SIPA1L2: variants seen among roughly 807,000 people sequenced by gnomAD.
SIPA1L2 encodes signal induced proliferation associated 1 like 2.
SIPA1L2 carries 56 observed loss-of-function variants against 163.9 expected under a neutral mutation model. The ratio of observed to expected loss-of-function variants is 0.34; its 90% CI spans 0.28 to 0.43. The LOEUF is 0.43. Among genes scored for constraint, SIPA1L2 ranks in the 20% least tolerant of loss-of-function variants. The pLI, the probability that SIPA1L2 is intolerant of heterozygous loss-of-function variation, is 1.00. For missense variants in SIPA1L2, 1,974 were observed against 2,193.5 expected (o/e 0.90, Z 2.00); for synonymous variants, 877 against 865.7 (o/e 1.01, Z -0.23).
At chr1:232,539,407 T>C (rs976665062) in intron 2 of SIPA1L2, among the ~76,000 whole-genome samples, 4 of 152,214 alleles carry the variant, frequency 2.6e-5, no homozygotes, top group Non-Finnish European at 5.9e-5. Context: ...AGAAATTAAG[T>C]AGTTTCCTAA....
Position 232,425,625 on chromosome 1 carries a change from G to T in SIPA1L2, c.4594C>A (p.Arg1532=), listed in dbSNP as rs369364776. 124 of 1,609,022 alleles carry T rather than the reference G, an allele frequency of 7.7e-5. No homozygotes were observed. The African/African-American group carries it at 1.4e-3, about 18-fold the overall frequency. The part of the protein sequence containing the change: ...TPPYHSTLPP[R]AHPAPSMGSL... ...CCCATGCTGGGTGCGGGGTGGGCCCGCGGAGGCAGCGTGCTGTGGTAGGGT... is the reference window on the plus strand; with the variant it reads ...CCCATGCTGGGTGCGGGGTGGGCCCTCGGAGGCAGCGTGCTGTGGTAGGGT... The change falls in exon 18 of 23, where the codon CGG becomes AGG. Residue 1532 remains arginine (R), a synonymous_variant. Transcript: ENST00000674635.
At chr1:232,430,712 C>T (rs964813089) in intron 16 of SIPA1L2, among the ~76,000 whole-genome samples, 2 of 152,164 alleles carry the variant, frequency 1.3e-5, no homozygotes, top group Non-Finnish European at 2.9e-5. Flanking sequence ...GCCCTGGTCT[C>T]GAATCCCAGC....
chr1:232,523,933 G>A (rs1452653724), intron 2 of SIPA1L2, among the ~76,000 whole-genome samples: 2 of 152,140 alleles, frequency 1.3e-5, no homozygotes, highest in African/African-American at 2.4e-5. Flanking sequence ...AGAAAATCCT[G>A]CCAATCCATA....
chr1:232,442,146 G>A (rs1466748536), intron 12 of SIPA1L2, among the ~76,000 whole-genome samples: 1 of 152,060 alleles, frequency 6.6e-6, no homozygotes, highest in Non-Finnish European at 1.5e-5. Flanking sequence ...GAGGTTGAAG[G>A]ACTGTCCAGG....
chr1:232,571,603 A>C (rs1165073900), intron 2 of SIPA1L2, among the ~76,000 whole-genome samples: 1 of 152,252 alleles, frequency 6.6e-6, no homozygotes, highest in Admixed American at 6.5e-5. Context: ...TCTCATGTTG[A>C]AATGTGATCC....
chr1:232,498,624 C>T (rs74144353), intron 3 of SIPA1L2, among the ~76,000 whole-genome samples: 241 of 152,286 alleles, frequency 1.6e-3, no homozygotes, highest in African/African-American at 5.5e-3. Context: ...GACCTACATT[C>T]GTTACGTTTC....
At chr1:232,586,131 CCT>C (rs1469140040) in intron 1 of SIPA1L2, among the ~76,000 whole-genome samples, 9 of 152,124 alleles carry the variant, frequency 5.9e-5, no homozygotes, top group African/African-American at 1.9e-4. Flanking sequence ...TCCTTGAGAC[CCT>C]GTTTGTTAGC....
In SIPA1L2 at chr1:232,450,605, T is replaced by C. The variant is rs115954492; in HGVS notation, c.3096-4819A>G. Among the ~76,000 whole-genome samples, 893 of 152,302 alleles carry C rather than the reference T, an allele frequency of 5.9e-3. 7 individuals are homozygous for C. Among genetic ancestry groups the C allele is most frequent in the African/African-American group, 0.02 (842 of 41,556 alleles). Reference sequence around the variant, plus strand: ...ATTGAAGTTACAGATCCTGGAGTTATATGTTGAATGAAAGGAACGTGAACC... The same window carrying C: ...ATTGAAGTTACAGATCCTGGAGTTACATGTTGAATGAAAGGAACGTGAACC... On this transcript the variant is annotated intron_variant, in intron 10 of 22. Transcript: ENST00000674635.
At chr1:232,610,172 ATGT>A (rs978073938) in intron 1 of SIPA1L2, among the ~76,000 whole-genome samples, 21 of 152,332 alleles carry the variant, frequency 1.4e-4, no homozygotes, top group African/African-American at 3.6e-4. Context: ...AGGTTTTAAA[ATGT>A]TGTACTGTAT....
rs1416571662 is a variant in SIPA1L2 at position 232,438,284 on chromosome 1, T to C, written c.4031+824A>G. Among the ~76,000 whole-genome samples the C allele has an allele frequency of 3.3e-5, 5 of 152,140 alleles. No individual in the cohort carries two copies. In the South Asian group the frequency reaches 8.3e-4, roughly 25 times the overall value. ...TTCATCTGACTCTGCCCTCCAGCAT[T>C]GTGGGCAGGAGTCAGAGAGTAACTT... On this transcript the variant is annotated intron_variant, in intron 15 of 22. Coordinates refer to ENST00000674635, the MANE Select transcript of SIPA1L2 (RefSeq NM_020808.5).
intron 7 of SIPA1L2, among the ~76,000 whole-genome samples, chr1:232,477,242 G>A (rs973566857): frequency 6.6e-6 from 1 of 152,118 alleles, no homozygotes; most frequent in Admixed American, 6.5e-5. Context: ...TTTCATAATA[G>A]ATCTTTAGGA....
At chr1:232,505,576 C>T (rs1460084849) in intron 3 of SIPA1L2, among the ~76,000 whole-genome samples, 1 of 152,166 alleles carries the variant, frequency 6.6e-6, no homozygotes, top group East Asian at 1.9e-4. Context: ...TTTGTGGGTT[C>T]CTGCAACACT....
intron 10 of SIPA1L2, among the ~76,000 whole-genome samples, chr1:232,453,248 G>T (rs1663693106): frequency 6.6e-6 from 1 of 152,168 alleles, no homozygotes; most frequent in Non-Finnish European, 1.5e-5. Context: ...AGGGAATGAT[G>T]AGTAGCAAAA....
At chr1:232,617,649 A>C (rs940893037) in intron 1 of SIPA1L2, among the ~76,000 whole-genome samples, 2 of 152,228 alleles carry the variant, frequency 1.3e-5, no homozygotes, top group African/African-American at 4.8e-5. Flanking sequence ...CTAAAAAAAA[A>C]AGGAACAAAG....
intron 2 of SIPA1L2, among the ~76,000 whole-genome samples, chr1:232,522,792 T>C (rs144663905): frequency 1.4e-3 from 218 of 152,318 alleles, no homozygotes; most frequent in African/African-American, 5.0e-3. Flanking sequence ...ATGTAATATA[T>C]GAGTGTATAT....
At chr1:232,419,092 C>T (rs1025061673) in intron 18 of SIPA1L2, among the ~76,000 whole-genome samples, 1 of 152,148 alleles carries the variant, frequency 6.6e-6, no homozygotes, top group South Asian at 2.1e-4. Context: ...AGCTTGGTGG[C>T]ACATTTGGGG....
intron 1 of SIPA1L2, among the ~76,000 whole-genome samples, chr1:232,591,635 T>C (rs1660965485): frequency 6.6e-6 from 1 of 152,256 alleles, no homozygotes; most frequent in Admixed American, 6.5e-5. Flanking sequence ...GTTTACTGAC[T>C]GGCAAGGTTT....
At chr1:232,538,622 C>T (rs1657453856) in intron 2 of SIPA1L2, among the ~76,000 whole-genome samples, 1 of 152,080 alleles carries the variant, frequency 6.6e-6, no homozygotes, top group Admixed American at 6.6e-5. Context: ...AGAATGCTGC[C>T]ATCTCTATGC....
chr1:232,511,593 C>T (rs1254619510), intron 3 of SIPA1L2, among the ~76,000 whole-genome samples: 1 of 152,120 alleles, frequency 6.6e-6, no homozygotes, highest in Admixed American at 6.6e-5. Flanking sequence ...AAGTAATAAA[C>T]AGGCTTCACA....
Sources: allele counts gnomAD v4.1 joint callset (sites outside exome capture counted in the v4.1 genomes callset), GRCh38; gene constraint gnomAD v4.1.1; transcripts MANE v1.5; gene names NCBI Gene and HGNC (gene_info 2026-07-23, HGNC 2026-07-21).